Variants in EFCAB8 observed in about 807,000 individuals in gnomAD.
EFCAB8 encodes the protein EF-hand calcium-binding domain-containing protein 8.
Under a neutral mutation model 116.3 loss-of-function variants are expected in EFCAB8, and 100 were observed. The ratio of observed to expected loss-of-function variants is 0.86; its 90% CI spans 0.73 to 1.02. EFCAB8 has a LOEUF of 1.02. Ranked by LOEUF, EFCAB8 falls within the 50% of genes least tolerant of loss-of-function variation. The pLI is 0.00. For synonymous variants in EFCAB8, 558 were observed against 567.9 expected, an observed-to-expected ratio of 0.98 and a Z score of 0.25; for missense variants, 1,320 against 1,416.9, an observed-to-expected ratio of 0.93 and a Z score of 1.10.
chr20:32,944,473 AT>A (rs1453359215), intron 23 of EFCAB8, among the ~76,000 whole-genome samples: 2 of 152,176 alleles, frequency 1.3e-5, no homozygotes, highest in African/African-American at 2.4e-5. Context: ...TAAAAAAAAA[AT>A]AATAATAAAA....
rs144773845 is a variant in EFCAB8 at position 32,862,365 on chromosome 20, C to T, written c.-10-1418C>T. Reference sequence around the variant, plus strand: ...CTGGTCTCAAACTCCTGGATGCAAGCGATCCTCCCGCCTCGGCCTATTTTT... The same window carrying T: ...CTGGTCTCAAACTCCTGGATGCAAGTGATCCTCCCGCCTCGGCCTATTTTT... On this transcript the variant is annotated intron_variant, in intron 1 of 26. Coordinates refer to ENST00000400522, the MANE Select transcript of EFCAB8 (RefSeq NM_001143967.2). Among the ~76,000 whole-genome samples, 8 of 152,060 alleles carry T rather than the reference C, an allele frequency of 5.3e-5. No individual in the cohort carries two copies. The South Asian group carries it at 6.2e-4, about 12-fold the overall frequency.
chr20:32,860,936 C>T (rs1984082288), intron 1 of EFCAB8, among the ~76,000 whole-genome samples: 1 of 152,008 alleles, frequency 6.6e-6, no homozygotes, highest in Non-Finnish European at 1.5e-5. Context: ...GATGGGGTTT[C>T]ACCATGTTGC....
chr20:32,863,166 C>T (rs996525530), intron 1 of EFCAB8, among the ~76,000 whole-genome samples: 1 of 152,152 alleles, frequency 6.6e-6, no homozygotes, highest in Non-Finnish European at 1.5e-5. Flanking sequence ...AGAGTGCCCT[C>T]TGGACTCTTG....
intron 7 of EFCAB8, among the ~76,000 whole-genome samples, chr20:32,891,986 A>C (rs989204111): frequency 2.6e-5 from 4 of 151,904 alleles, no homozygotes; most frequent in East Asian, 3.9e-4. Flanking sequence ...GAGCCACTGC[A>C]CCTGGCCTGG....
intron 17 of EFCAB8, chr20:32,917,074 T>A: frequency 5.5e-6 from 3 of 545,370 alleles, no homozygotes; most frequent in Non-Finnish European, 6.5e-6. Context: ...ATTGACTATC[T>A]GTAAGATTAG....
chr20:32,896,664 CG>C (rs1986176402), intron 10 of EFCAB8, 137 bp downstream of exon 10: 1 of 622,694 alleles, frequency 1.6e-6, no homozygotes, highest in Non-Finnish European at 2.9e-6. Flanking sequence ...AAACAGGTTG[CG>C]GCAGCTGTTG....
At chr20:32,872,289 TCTTC>T (rs1156684286) in intron 3 of EFCAB8, among the ~76,000 whole-genome samples, 1 of 152,172 alleles carries the variant, frequency 6.6e-6, no homozygotes, top group African/African-American at 2.4e-5. Context: ...TGCCACATTT[TCTTC>T]CTTATGTAGG....
Position 32,863,831 on chromosome 20 carries a change from A to G in EFCAB8, c.39A>G (p.Gln13=), listed in dbSNP as rs879769653. 8.4e-6 allele frequency: 13 copies of G among 1,551,466 alleles called. No homozygotes were observed. Among genetic ancestry groups the G allele is most frequent in the Non-Finnish European group, 9.6e-6 (11 of 1,146,854 alleles). The part of the protein sequence containing the change: ...SEDLAEIPQL[Q]KLSIPHGFQN... Reference sequence around the variant, plus strand: ...ACTTAGCAGAGATCCCTCAACTCCAAAAGGTAAGAAAGACAATTATCTGAA... The same window carrying G: ...ACTTAGCAGAGATCCCTCAACTCCAGAAGGTAAGAAAGACAATTATCTGAA... Residue 13 remains glutamine, a synonymous_variant, in exon 2 of 27, where the codon CAA becomes CAG. Transcript: ENST00000400522.
chr20:32,883,679 C>G (rs896408384), intron 5 of EFCAB8, among the ~76,000 whole-genome samples: 5 of 151,926 alleles, frequency 3.3e-5, no homozygotes, highest in South Asian at 2.1e-4. Flanking sequence ...TAAGGTCAAG[C>G]CTTCACTGGT....
intron 22 of EFCAB8, among the ~76,000 whole-genome samples, chr20:32,941,706 G>C (rs886671527): frequency 2.0e-5 from 3 of 152,152 alleles, no homozygotes; most frequent in African/African-American, 7.2e-5. Context: ...CTGGGGGAGG[G>C]AGTTGGGGAA....
intron 6 of EFCAB8, among the ~76,000 whole-genome samples, chr20:32,885,929 CCT>C (rs1247191689): frequency 6.6e-6 from 1 of 152,252 alleles, no homozygotes; most frequent in African/African-American, 2.4e-5. Flanking sequence ...CACCAGGTTT[CCT>C]TCTCTTGCGT....
intron 14 of EFCAB8, among the ~76,000 whole-genome samples, chr20:32,908,821 CAG>C (rs926816747): frequency 1.1e-4 from 16 of 152,206 alleles, no homozygotes; most frequent in South Asian, 2.1e-4. Flanking sequence ...CTTTGGGAAA[CAG>C]GGGCCACGTC....
chr20:32,911,419 C>A, intron 15 of EFCAB8, 61 bp from the exon 16 acceptor site: 3 of 1,396,038 alleles, frequency 2.1e-6, no homozygotes, highest in Non-Finnish European at 2.8e-6. Context: ...AGGCTGGAGA[C>A]CACCCTTGGG....
intron 3 of EFCAB8, among the ~76,000 whole-genome samples, chr20:32,868,203 C>A (rs1372651854): frequency 2.6e-5 from 4 of 152,064 alleles, no homozygotes; most frequent in African/African-American, 7.2e-5. Context: ...AAACTACAGG[C>A]ACATGCCACC....
intron 3 of EFCAB8, among the ~76,000 whole-genome samples, 173 bp from the exon 4 acceptor site, chr20:32,875,753 C>G (rs1984937673): frequency 6.6e-6 from 1 of 151,968 alleles, no homozygotes; most frequent in Non-Finnish European, 1.5e-5. Flanking sequence ...AAGTGATCCA[C>G]CTGCCTCAGC....
chr20:32,868,063 A>C (rs1240899414), intron 3 of EFCAB8, among the ~76,000 whole-genome samples: 1 of 151,950 alleles, frequency 6.6e-6, no homozygotes, highest in African/African-American at 2.4e-5. Flanking sequence ...TGCAAAAGTA[A>C]TTGCAGTTTT....
chr20:32,952,436 A>G (rs1226173760), intron 23 of EFCAB8, among the ~76,000 whole-genome samples: 1 of 152,168 alleles, frequency 6.6e-6, no homozygotes, highest in East Asian at 1.9e-4. Flanking sequence ...TAATGTTGTG[A>G]AATATGAGAC....
rs1175543259 is a variant in EFCAB8 at position 32,920,205 on chromosome 20, C to T, written c.2402C>T (p.Ser801Leu). 8.4e-6 allele frequency: 13 copies of T among 1,551,486 alleles called. No homozygotes were observed. Among genetic ancestry groups the T allele is most frequent in the Non-Finnish European group, 1.0e-5 (12 of 1,146,934 alleles). ...AATATGTTGGTTCAATCCAGTGCCTCGGTGGAGAAGGTTGGCCGTGATCAG... is the reference window on the plus strand; with the variant it reads ...AATATGTTGGTTCAATCCAGTGCCTTGGTGGAGAAGGTTGGCCGTGATCAG... Reference protein sequence around the residue: ...QKNMLVQSSASVEKIIFLQTR... With the variant: ...QKNMLVQSSALVEKIIFLQTR... Residue 801 changes from serine to leucine, a missense_variant, in exon 20 of 27, where the codon TCG (serine) becomes TTG (leucine). Transcript: ENST00000400522.
At chr20:32,860,135 C>G (rs1358949943) in intron 1 of EFCAB8, among the ~76,000 whole-genome samples, 1 of 152,150 alleles carries the variant, frequency 6.6e-6, no homozygotes, top group Non-Finnish European at 1.5e-5. Context: ...TGGAGAAATC[C>G]TGTTTCTACT....
Sources: gnomAD v4.1 joint callset for allele counts (sites outside exome capture counted in the v4.1 genomes callset) on GRCh38, gnomAD v4.1.1 for gene constraint, MANE v1.5 for transcripts, NCBI Gene and HGNC (gene_info 2026-07-23, HGNC 2026-07-21) for gene names.